Variants in AGBL1 observed in about 807,000 individuals in gnomAD.
The protein encoded by AGBL1 is cytosolic carboxypeptidase 4.
A neutral mutation model predicts 118.9 loss-of-function variants in AGBL1; 130 were observed. The ratio of observed to expected loss-of-function variants is 1.09; its 90% CI spans 0.95 to 1.26. AGBL1 has a LOEUF of 1.26. Ranked by LOEUF, AGBL1 falls within the 50% of genes most tolerant of loss-of-function variation. The pLI is 0.00. For synonymous variants in AGBL1, 555 were observed against 478.9 expected (o/e 1.16, Z -2.08); for missense variants, 1,584 against 1,298.1 (o/e 1.22, Z -3.38).
chr15:86,445,185 A>T (rs1439981967), intron 18 of AGBL1, among the ~76,000 whole-genome samples: 4 of 152,236 alleles, frequency 2.6e-5, no homozygotes, highest in African/African-American at 9.6e-5. Context: ...CTTGAAGCCC[A>T]TCACCCTGGG....
chr15:86,465,619 C>A (rs1305258479), intron 18 of AGBL1, among the ~76,000 whole-genome samples: 2 of 152,174 alleles, frequency 1.3e-5, no homozygotes, highest in African/African-American at 4.8e-5. Context: ...ACTGGCCGCT[C>A]TGGATGTGTC....
At chr15:86,506,354 G>A (rs1046822716) in intron 18 of AGBL1, among the ~76,000 whole-genome samples, 12 of 152,114 alleles carry the variant, frequency 7.9e-5, no homozygotes, top group African/African-American at 2.9e-4. Context: ...TTTAAGTTCG[G>A]TGGTTTGCCC....
At chr15:86,995,689 T>C (rs1161848962) in intron 24 of AGBL1, among the ~76,000 whole-genome samples, 1 of 152,242 alleles carries the variant, frequency 6.6e-6, no homozygotes, top group African/African-American at 2.4e-5. Context: ...ACATTAATTA[T>C]TCTCTGCTAC....
chr15:87,023,877 G>A (rs958152959), intron 24 of AGBL1, among the ~76,000 whole-genome samples: 7 of 151,986 alleles, frequency 4.6e-5, no homozygotes, highest in Non-Finnish European at 8.8e-5. Flanking sequence ...ACCTGCTTCT[G>A]AATGATCATT....
At chr15:86,219,438 A>T (rs1239630968) in intron 5 of AGBL1, among the ~76,000 whole-genome samples, 3 of 152,166 alleles carry the variant, frequency 2.0e-5, no homozygotes, top group Non-Finnish European at 4.4e-5. Context: ...ACACCATCCC[A>T]TCAGTTAGAT....
At chr15:86,132,367 G>C (rs117647055) in intron 1 of AGBL1, among the ~76,000 whole-genome samples, 1 of 152,210 alleles carries the variant, frequency 6.6e-6, no homozygotes, top group Non-Finnish European at 1.5e-5. Context: ...GATGAAGGTA[G>C]CAAGTGGCAG....
intron 1 of AGBL1, among the ~76,000 whole-genome samples, chr15:86,088,690 T>C (rs1312343189): frequency 6.6e-6 from 1 of 152,234 alleles, no homozygotes; most frequent in Non-Finnish European, 1.5e-5. Flanking sequence ...GGATTTGAAA[T>C]GTCAGGATAA....
At chr15:86,902,879 T>A (rs2080230153) in intron 22 of AGBL1, among the ~76,000 whole-genome samples, 1 of 152,200 alleles carries the variant, frequency 6.6e-6, no homozygotes, top group Admixed American at 6.5e-5. Flanking sequence ...CATCTGTCTT[T>A]GCCTTGATTT....
intron 17 of AGBL1, among the ~76,000 whole-genome samples, chr15:86,379,879 A>G (rs560479092): frequency 1.4e-3 from 209 of 152,232 alleles, no homozygotes; most frequent in Non-Finnish European, 2.1e-3. Flanking sequence ...CACTTAAAAA[A>G]CAACTGTGAG....
At chr15:86,739,188 A>T (rs2077642084) in intron 22 of AGBL1, among the ~76,000 whole-genome samples, 1 of 152,054 alleles carries the variant, frequency 6.6e-6, no homozygotes. Context: ...TCATGCCTGT[A>T]ATCCCAGCAC....
At position 86,604,718 on chromosome 15, in the gene AGBL1, A is replaced by C. The variant is rs543681018; in HGVS notation, c.2994+50181A>C. On this transcript the variant is annotated intron_variant, in intron 21 of 22. Coordinates refer to ENST00000614907, the MANE Select transcript of AGBL1 (RefSeq NM_001386094.1). ...GGCAGGTGAATGAGCCCAATAATTA[A>C]AATTATATATAAATTATTATGAATT... Among the ~76,000 whole-genome samples, 124 of 152,082 alleles carry C rather than the reference A, an allele frequency of 8.2e-4. 5 individuals are homozygous for C. In the South Asian group the frequency reaches 0.025, roughly 31 times the overall value.
chr15:86,102,406 G>A (rs1000094605), intron 1 of AGBL1, among the ~76,000 whole-genome samples: 3 of 152,248 alleles, frequency 2.0e-5, no homozygotes, highest in Non-Finnish European at 2.9e-5. Context: ...ATGTTTTCAT[G>A]ATGGTAGATA....
intron 22 of AGBL1, among the ~76,000 whole-genome samples, chr15:86,898,648 T>C (rs567836242): frequency 1.3e-5 from 2 of 152,240 alleles, no homozygotes; most frequent in South Asian, 2.1e-4. Context: ...GCAAACTATA[T>C]ATTTGACAAT....
At chr15:86,237,926 C>A (rs971171911) in intron 6 of AGBL1, among the ~76,000 whole-genome samples, 2 of 152,150 alleles carry the variant, frequency 1.3e-5, no homozygotes, top group African/African-American at 4.8e-5. Context: ...GCTTTAGCTC[C>A]TGGACTTTTC....
intron 5 of AGBL1, among the ~76,000 whole-genome samples, chr15:86,186,211 T>A (rs1368644812): frequency 1.4e-5 from 2 of 142,662 alleles, no homozygotes; most frequent in Non-Finnish European, 3.0e-5. Flanking sequence ...CAACAGGCGC[T>A]GGGACTTGCA....
chr15:86,746,113 C>A (rs1486824825), intron 22 of AGBL1, among the ~76,000 whole-genome samples: 1 of 152,074 alleles, frequency 6.6e-6, no homozygotes, highest in Non-Finnish European at 1.5e-5. Context: ...TTTCTCCCTT[C>A]CCTGAAGTCT....
At chr15:86,200,551 C>T (rs1281266196) in intron 5 of AGBL1, among the ~76,000 whole-genome samples, 27 of 24,060 alleles carry the variant, frequency 1.1e-3, no homozygotes, top group African/African-American at 2.3e-3. Context: ...TAGACCCCTA[C>T]CCCCCCCCCC....
chr15:86,732,988 G>A (rs1429267465), intron 22 of AGBL1, among the ~76,000 whole-genome samples: 2 of 148,256 alleles, frequency 1.3e-5, no homozygotes, highest in African/African-American at 4.9e-5. Context: ...TACAGGAGAT[G>A]GCTATATATC....
rs1042687109 is a variant in AGBL1 at position 86,976,345 on chromosome 15, TA to T, written c.3222-11635del. ...TTTATTACAACTTAGAAATATATCATAAAAAAATTTTCAAGTCATTAGATGT... is the reference window on the plus strand; with the variant it reads ...TTTATTACAACTTAGAAATATATCATAAAAAATTTTCAAGTCATTAGATGT... On this transcript the variant is annotated intron_variant, in intron 23 of 24. Transcript: ENST00000441037. 6.1e-4 allele frequency among the ~76,000 whole-genome samples: 92 copies of T among 151,806 alleles called. 1 individual carries two copies. Among genetic ancestry groups the T allele is most frequent in the African/African-American group, 2.2e-3 (92 of 41,510 alleles).
Sources: allele counts gnomAD v4.1 joint callset (sites outside exome capture counted in the v4.1 genomes callset), GRCh38; gene constraint gnomAD v4.1.1; transcripts MANE v1.5; gene names NCBI Gene and HGNC (gene_info 2026-07-23, HGNC 2026-07-21).